Variants in SNTG1 observed in about 807,000 individuals in gnomAD.
SNTG1 encodes syntrophin gamma 1, also known as gamma-1-syntrophin.
SNTG1 carries 39 observed loss-of-function variants against 74.7 expected under a neutral mutation model. The observed-to-expected ratio is 0.52, with a 90% CI of 0.40 to 0.68. The LOEUF (loss-of-function observed/expected upper bound fraction) is 0.68. Ranked by LOEUF, SNTG1 falls within the 30% of genes least tolerant of loss-of-function variation. The pLI is 0.00. For missense variants in SNTG1, 685 were observed against 609.5 expected (o/e 1.12, Z -1.30); for synonymous variants, 254 against 217.1 (o/e 1.17, Z -1.49).
chr8:50,261,977 G>C (rs937057447), intron 2 of SNTG1, among the ~76,000 whole-genome samples: 2 of 152,062 alleles, frequency 1.3e-5, no homozygotes, highest in African/African-American at 4.8e-5. Flanking sequence ...AAAATATAGA[G>C]AATTTGGCAG....
chr8:50,318,958 C>T (rs13269114), intron 2 of SNTG1, among the ~76,000 whole-genome samples: 82,647 of 150,762 alleles, frequency 0.55, 24,442 homozygotes, highest in East Asian at 0.84. Flanking sequence ...TATATATCTA[C>T]GTATGTATAT....
intron 2 of SNTG1, among the ~76,000 whole-genome samples, chr8:50,182,427 A>G (rs1394971398): frequency 2.0e-5 from 3 of 152,188 alleles, no homozygotes; most frequent in Non-Finnish European, 4.4e-5. Context: ...CAGGGTATAA[A>G]CACTATAAGA....
At chr8:50,045,857 T>C (rs976321272) in intron 1 of SNTG1, among the ~76,000 whole-genome samples, 5 of 152,192 alleles carry the variant, frequency 3.3e-5, no homozygotes, top group African/African-American at 1.2e-4. Context: ...TGAGAACAAT[T>C]TGTAAGACAT....
At chr8:50,752,634 A>T (rs1295194761) in intron 18 of SNTG1, among the ~76,000 whole-genome samples, 2 of 152,006 alleles carry the variant, frequency 1.3e-5, no homozygotes, top group African/African-American at 2.4e-5. Flanking sequence ...AAGTGAAAAA[A>T]TTGTATCTAT....
chr8:50,388,915 G>A (rs181968027), intron 2 of SNTG1, among the ~76,000 whole-genome samples: 1 of 152,264 alleles, frequency 6.6e-6, no homozygotes, highest in African/African-American at 2.4e-5. Flanking sequence ...ATTTGACGCA[G>A]GAGTCTTCAA....
intron 17 of SNTG1, among the ~76,000 whole-genome samples, chr8:50,740,692 A>G (rs750975244): frequency 6.6e-6 from 1 of 152,106 alleles, no homozygotes; most frequent in South Asian, 2.1e-4. Context: ...ATGCACAAGT[A>G]TGTTCACTGC....
At chr8:49,960,596 C>T (rs1275908860) in intron 1 of SNTG1, among the ~76,000 whole-genome samples, 3 of 151,970 alleles carry the variant, frequency 2.0e-5, no homozygotes, top group Admixed American at 6.6e-5. Flanking sequence ...TAAGATGCTA[C>T]AGTTCAAATG....
At chr8:50,509,773 T>G (rs1054868029) in intron 9 of SNTG1, among the ~76,000 whole-genome samples, 2 of 152,166 alleles carry the variant, frequency 1.3e-5, no homozygotes, top group Non-Finnish European at 2.9e-5. Flanking sequence ...TTTTGTATCC[T>G]GAGACTTTGC....
intron 1 of SNTG1, among the ~76,000 whole-genome samples, chr8:49,972,107 T>G (rs1019394480): frequency 2.6e-5 from 4 of 152,168 alleles, no homozygotes; most frequent in Admixed American, 2.6e-4. Flanking sequence ...GCTACCTGAC[T>G]TCAAACTATA....
chr8:50,528,742 C>T (rs2094242151), intron 9 of SNTG1, among the ~76,000 whole-genome samples: 1 of 151,662 alleles, frequency 6.6e-6, no homozygotes, highest in African/African-American at 2.4e-5. Flanking sequence ...CGTTAGCTCT[C>T]AGTAATGACC....
At chr8:50,399,453 C>T (rs1209530897) in intron 3 of SNTG1, among the ~76,000 whole-genome samples, 1 of 152,086 alleles carries the variant, frequency 6.6e-6, no homozygotes, top group Non-Finnish European at 1.5e-5. Context: ...TCAAACTTTC[C>T]CTGGATGATC....
chr8:50,435,115 A>G (rs2093287324), intron 4 of SNTG1, among the ~76,000 whole-genome samples: 1 of 152,196 alleles, frequency 6.6e-6, no homozygotes, highest in African/African-American at 2.4e-5. Context: ...AAAGCATACT[A>G]AGTATTTAAT....
At chr8:50,217,720 A>T (rs1020579438) in intron 2 of SNTG1, among the ~76,000 whole-genome samples, 9 of 152,150 alleles carry the variant, frequency 5.9e-5, no homozygotes. Context: ...AACTCTTCAA[A>T]TTATGAGGCT....
At chr8:50,424,894 G>A (rs1253305858) in intron 4 of SNTG1, among the ~76,000 whole-genome samples, 3 of 152,026 alleles carry the variant, frequency 2.0e-5, no homozygotes, top group Admixed American at 6.6e-5. Flanking sequence ...TATTCAGTGG[G>A]AATAATATTT....
intron 1 of SNTG1, among the ~76,000 whole-genome samples, chr8:50,143,637 T>A (rs2131483681): frequency 1.3e-5 from 2 of 152,304 alleles, no homozygotes; most frequent in East Asian, 3.9e-4. Flanking sequence ...TTGATAAGAA[T>A]CACTTAGCAA....
chr8:50,348,023 A>T (rs1472800465), intron 2 of SNTG1, among the ~76,000 whole-genome samples: 4 of 152,132 alleles, frequency 2.6e-5, no homozygotes, highest in Non-Finnish European at 5.9e-5. Flanking sequence ...ATCTATAGCC[A>T]ATGTTTCTTT....
chr8:50,068,420 T>C (rs1821075558), intron 1 of SNTG1, among the ~76,000 whole-genome samples: 2 of 152,094 alleles, frequency 1.3e-5, no homozygotes, highest in Admixed American at 1.3e-4. Flanking sequence ...ATTTCCAAGG[T>C]GTTTGACACA....
chr8:50,684,326 A>G (rs1394283579), intron 15 of SNTG1, among the ~76,000 whole-genome samples: 1 of 152,200 alleles, frequency 6.6e-6, no homozygotes, highest in Non-Finnish European at 1.5e-5. Context: ...TGGAAGATGA[A>G]TCTTAGAACT....
At chr8:50,604,534 T>A (rs1333684110) in intron 13 of SNTG1, among the ~76,000 whole-genome samples, 3 of 152,192 alleles carry the variant, frequency 2.0e-5, no homozygotes, top group African/African-American at 7.2e-5. Flanking sequence ...CTCCCCTTTT[T>A]ACAGGCAGGG....
Sources: allele counts gnomAD v4.1 joint callset (sites outside exome capture counted in the v4.1 genomes callset), GRCh38; gene constraint gnomAD v4.1.1; transcripts MANE v1.5; gene names NCBI Gene and HGNC (gene_info 2026-07-23, HGNC 2026-07-21).